ODAD4: variants seen among roughly 807,000 people sequenced by gnomAD.
The protein encoded by ODAD4 is outer dynein arm docking complex subunit 4.
A neutral mutation model predicts 51.8 loss-of-function variants in ODAD4; 49 were observed. The observed-to-expected ratio is 0.95, with a 90% confidence interval of 0.75 to 1.20. The LOEUF is 1.20. Among genes scored for constraint, ODAD4 ranks in the 50% most tolerant of loss-of-function variants. The pLI, the probability that ODAD4 is intolerant of heterozygous loss-of-function variation, is 0.00. For synonymous variants in ODAD4, 235 were observed against 221.3 expected (o/e 1.06, Z -0.55); for missense variants, 590 against 586.5 (o/e 1.01, Z -0.06).
chr17:41,950,304 G>A (rs1002885692), intron 9 of ODAD4, among the ~76,000 whole-genome samples: 1 of 151,880 alleles, frequency 6.6e-6, no homozygotes, highest in Non-Finnish European at 1.5e-5. Context: ...GATGTAGGTA[G>A]GCATTATCAT....
intron 8 of ODAD4, 147 bp downstream of exon 8, chr17:41,945,369 G>A (rs868946828): frequency 2.9e-4 from 185 of 636,616 alleles, no homozygotes; most frequent in African/African-American, 1.1e-3. Flanking sequence ...AAAATTAGCC[G>A]CGCATACTGT....
chr17:41,937,505 C>G (rs781880247), intron 5 of ODAD4, among the ~76,000 whole-genome samples: 3 of 151,946 alleles, frequency 2.0e-5, no homozygotes, highest in Non-Finnish European at 4.4e-5. Context: ...GAGTCTTGCT[C>G]TGTCACACAG....
intron 9 of ODAD4, among the ~76,000 whole-genome samples, chr17:41,950,863 C>T (rs963066250): frequency 1.8e-4 from 27 of 151,858 alleles, no homozygotes; most frequent in African/African-American, 6.0e-4. Context: ...CGTGTGCCAC[C>T]ACTCCTGGCT....
Position 41,965,038 on chromosome 17 carries a change from T to C in ODAD4, c.1574T>C (p.Met525Thr). ...AGAATAATAACAAGAGAGAAGGACA[T>C]GAGGAGAGTGAGAGATGAGCCCGAG... Reference protein sequence around the residue: ...EDRIITREKDMRRVRDEPEKV... With the variant: ...EDRIITREKDTRRVRDEPEKV... The change falls in exon 12 of 12, where the codon ATG becomes ACG. Residue 525 changes from methionine to threonine, a missense_variant. This residue lies in a region of ODAD4 where 226 missense variants were observed against 162.7 expected (regional missense o/e 1.39). Transcript: ENST00000377540. 1 of 734,602 alleles carries C rather than the reference T, an allele frequency of 1.4e-6. No homozygotes were observed. Among genetic ancestry groups the C allele is most frequent in the Admixed American group, 2.0e-5 (1 of 51,262 alleles). 45.5% of individuals were successfully genotyped at this position (734,602 alleles called of 1,614,324 possible).
Position 41,935,778 on chromosome 17 carries a change from T to C in ODAD4, c.397+29T>C, listed in dbSNP as rs782070984. 4.3e-6 allele frequency: 7 copies of C among 1,612,008 alleles called. No homozygotes were observed. In the South Asian group the frequency reaches 6.6e-5, roughly 15 times the overall value. On this transcript the variant is annotated intron_variant, in intron 3 of 11. Coordinates refer to ENST00000377540, the MANE Select transcript of ODAD4 (RefSeq NM_031421.5). ...AGTGACCACAGGGCCTATGCCCTTATCCAGGAAGGTCCTTGGAATCCTTAG... is the reference window on the plus strand; with the variant it reads ...AGTGACCACAGGGCCTATGCCCTTACCCAGGAAGGTCCTTGGAATCCTTAG...
chr17:41,946,000 A>G (rs1598080809), intron 8 of ODAD4, among the ~76,000 whole-genome samples: 1 of 152,140 alleles, frequency 6.6e-6, no homozygotes, highest in Non-Finnish European at 1.5e-5. Flanking sequence ...TTTAACCTTG[A>G]TCCTAGGACT....
chr17:41,930,767 C>T lies in ODAD4; in HGVS notation c.44C>T (p.Ser15Phe), dbSNP rs1362808926. ...EGETLRSTFP[S>F]YMAEGERLYL... ...GAGACCTTGCGAAGCACCTTTCCCT[C>T]TTATATGGCCGAAGGCGAGCGGCTC... Residue 15 changes from serine (S) to phenylalanine (F), a missense_variant, in exon 1 of 12, where the codon TCT becomes TTT. By Grantham distance (155) the Ser-to-Phe change is radical. Around this residue, in one of 3 missense-constraint regions of ODAD4, gnomAD observed 360 missense variants for 407.5 expected, o/e 0.88. Transcript: ENST00000377540. 16 of 1,608,894 alleles carry T rather than the reference C, an allele frequency of 9.9e-6. No homozygotes were observed. Among genetic ancestry groups the T allele is most frequent in the Non-Finnish European group, 1.4e-5 (16 of 1,177,362 alleles).
chr17:41,932,425 G>A (rs2050359194), intron 1 of ODAD4, among the ~76,000 whole-genome samples: 1 of 152,158 alleles, frequency 6.6e-6, no homozygotes, highest in African/African-American at 2.4e-5. Context: ...CATGCCCAAG[G>A]TCGCTAAACT....
At chr17:41,959,640 C>G (rs1053997542) in intron 10 of ODAD4, among the ~76,000 whole-genome samples, 3 of 152,114 alleles carry the variant, frequency 2.0e-5, no homozygotes, top group Non-Finnish European at 4.4e-5. Flanking sequence ...GCGCTGAGGG[C>G]TGGTGGCCGG....
chr17:41,960,785 C>T (rs2050795763), intron 10 of ODAD4, among the ~76,000 whole-genome samples: 1 of 152,252 alleles, frequency 6.6e-6, no homozygotes, highest in African/African-American at 2.4e-5. Context: ...GCATCCAGGC[C>T]CCGGAGCTGC....
intron 9 of ODAD4, 113 bp from the exon 10 acceptor site, chr17:41,955,104 G>GATGGGCC: frequency 2.8e-6 from 2 of 712,872 alleles, no homozygotes; most frequent in Non-Finnish European, 2.6e-6. Context: ...TCCGACTACA[G>GATGGGCC]CTCACACAAG....
intron 11 of ODAD4, 115 bp downstream of exon 11, chr17:41,961,581 A>G (rs2050807363): frequency 6.0e-6 from 4 of 663,130 alleles, no homozygotes; most frequent in African/African-American, 1.8e-5. Flanking sequence ...GGCACTGCCC[A>G]TCGTGCATTC....
At chr17:41,963,269 G>A (rs1439447674) in intron 11 of ODAD4, among the ~76,000 whole-genome samples, 4 of 152,206 alleles carry the variant, frequency 2.6e-5, no homozygotes, top group African/African-American at 7.2e-5. Flanking sequence ...TAAGGGAGAC[G>A]CAGAAGGGGA....
intron 10 of ODAD4, among the ~76,000 whole-genome samples, chr17:41,956,815 T>C (rs1555641103): frequency 2.3e-4 from 35 of 152,126 alleles, no homozygotes. Flanking sequence ...ACTCTTTGCC[T>C]CAAATGATTC....
At chr17:41,932,520 C>CA (rs1389396954) in intron 1 of ODAD4, among the ~76,000 whole-genome samples, 1 of 152,014 alleles carries the variant, frequency 6.6e-6, no homozygotes. Context: ...CTGACATCTG[C>CA]ATAAGGAAAC....
chr17:41,960,681 C>T (rs2050793873), intron 10 of ODAD4, among the ~76,000 whole-genome samples: 1 of 152,212 alleles, frequency 6.6e-6, no homozygotes, highest in African/African-American at 2.4e-5. Context: ...GACCAGGCCC[C>T]CGACCCCTCA....
Position 41,965,507 on chromosome 17 carries a change from A to G in ODAD4, c.*24A>G. The G allele has an allele frequency of 1.3e-6, 1 of 746,084 alleles. No individual in the cohort carries two copies. Among genetic ancestry groups the G allele is most frequent in the Admixed American group, 1.9e-5 (1 of 51,528 alleles). The allele number at this position is 746,084 out of a possible 1,614,324, so 46.2% of individuals were successfully genotyped here. A position where few individuals can be genotyped will look rare whatever the true frequency, so the allele number is the denominator to read the frequency against. On this transcript the variant is annotated 3_prime_UTR_variant, in exon 12 of 12. Transcript: ENST00000377540. ...GAAGCCATCGGTAGAGATGAGGATC[A>G]GGAAGCTGGTGTTCAGAGGGATCAT...
intron 7 of ODAD4, among the ~76,000 whole-genome samples, chr17:41,940,055 C>T (rs2050484805): frequency 6.6e-6 from 1 of 152,184 alleles, no homozygotes; most frequent in African/African-American, 2.4e-5. Context: ...TGCTGACTTC[C>T]ACCCGGAGGT....
chr17:41,938,382 C>T (rs2050456057), intron 5 of ODAD4, among the ~76,000 whole-genome samples, 175 bp from the exon 6 acceptor site: 1 of 152,176 alleles, frequency 6.6e-6, no homozygotes, highest in African/African-American at 2.4e-5. Context: ...CTGGCTGCCT[C>T]CTGGCCTGGA....
Sources: gnomAD v4.1 joint callset for allele counts (sites outside exome capture counted in the v4.1 genomes callset) on GRCh38, gnomAD v4.1.1 for gene constraint, gnomAD v4.1.1 regional missense constraint, MANE v1.5 for transcripts, NCBI Gene and HGNC (gene_info 2026-07-23, HGNC 2026-07-21) for gene names.